Variants in CHD2 observed in about 807,000 individuals in gnomAD.
The protein encoded by CHD2 is ATP-dependent chromatin remodeler CHD2.
Under a neutral mutation model 243.9 loss-of-function variants are expected in CHD2, and 28 were observed. That is an observed-to-expected ratio of 0.11 (90% CI 0.09 to 0.16). The LOEUF is 0.16. Among genes scored for constraint, CHD2 ranks in the 10% least tolerant of loss-of-function variants. The pLI, the probability that CHD2 is intolerant of heterozygous loss-of-function variation, is 1.00. For synonymous variants in CHD2, 775 were observed against 779.0 expected (o/e 0.99, Z 0.09); for missense variants, 1,386 against 2,209.8 (o/e 0.63, Z 7.47).
At chr15:92,937,108 C>G (rs1054014967) in intron 5 of CHD2, among the ~76,000 whole-genome samples, 2 of 152,128 alleles carry the variant, frequency 1.3e-5, no homozygotes, top group African/African-American at 4.8e-5. Context: ...AGTGAAACTC[C>G]CACCTTGGCC....
At chr15:93,004,830 G>T (rs758854953) in intron 34 of CHD2, 79 bp downstream of exon 34, 63 of 1,464,462 alleles carry the variant, frequency 4.3e-5, no homozygotes, top group Non-Finnish European at 5.1e-5. Context: ...GGTCCAGCCA[G>T]AGCTTCAGTT....
At chr15:92,909,067 T>C (rs1143115) in intron 2 of CHD2, among the ~76,000 whole-genome samples, 67,116 of 138,526 alleles carry the variant, frequency 0.48, 15,199 homozygotes, top group Admixed American at 0.55. Flanking sequence ...TGCAGTTAGA[T>C]GAACTGACAC....
chr15:92,947,047 C>T (rs1038186801), intron 12 of CHD2: 1 of 152,114 alleles, frequency 6.6e-6, no homozygotes, highest in African/African-American at 2.4e-5. Context: ...TAAATCCTTT[C>T]CTTGGAATTT....
chr15:93,014,992 C>A, intron 37 of CHD2, 83 bp downstream of exon 37: 2 of 1,076,238 alleles, frequency 1.9e-6, no homozygotes, highest in South Asian at 1.3e-5. Context: ...AAGACACTGG[C>A]TAGACTTCTG....
chr15:92,980,376 T>C (rs1236743657), intron 22 of CHD2, among the ~76,000 whole-genome samples: 1 of 151,954 alleles, frequency 6.6e-6, no homozygotes, highest in African/African-American at 2.4e-5. Flanking sequence ...ATGTTAAAGG[T>C]GTATTCAAAT....
chr15:93,027,502 C>G lies in CHD2; in HGVS notation c.*2797C>G, dbSNP rs1232561621. On this transcript the variant is annotated 3_prime_UTR_variant, in exon 39 of 39. Coordinates refer to ENST00000394196, the MANE Select transcript of CHD2 (RefSeq NM_001271.4). ...ACTCTCCTTTCAGTCATTCCTCAGC[C>G]CTTCGAAGGGAAGCCCAAACACTTT... is the stretch of plus-strand genomic sequence containing the variant. 2.0e-5 allele frequency: 3 copies of G among 152,354 alleles called. No individual in the cohort carries two copies. 9.4% of individuals were successfully genotyped at this position (152,354 alleles called of 1,614,324 possible).
In CHD2 at chr15:92,943,476, G is replaced by A. The variant is rs187471030; in HGVS notation, c.1052+408G>A. The A allele has an allele frequency of 3.6e-5, 7 of 196,046 alleles. No homozygotes were observed. In the Admixed American group the frequency reaches 3.7e-4, roughly 10 times the overall value. 12.1% of individuals were successfully genotyped at this position (196,046 alleles called of 1,614,324 possible). A position where few individuals can be genotyped will look rare whatever the true frequency, so the allele number is the denominator to read the frequency against. ...TGTTATTTTCCTGTAGTTAGGCTGG[G>A]GTGGCTTAGATGTAGAGAGTTAATA... On this transcript the variant is annotated intron_variant, in intron 9 of 38. Transcript: ENST00000394196.
At chr15:92,948,878 A>G in intron 12 of CHD2, 74 bp from the exon 13 acceptor site, 1 of 1,483,508 alleles carries the variant, frequency 6.7e-7, no homozygotes, top group Non-Finnish European at 9.2e-7. Flanking sequence ...GATGCCGAAT[A>G]TGTGAATTGT....
chr15:92,901,633 C>G, intron 2 of CHD2: 1 of 421,620 alleles, frequency 2.4e-6, no homozygotes. Flanking sequence ...ATGACCTTGT[C>G]GGTTTAGCCA....
rs771574140 is a variant in CHD2, at chr15:92,998,414, C to T, written c.3886-85C>T. On this transcript the variant is annotated intron_variant, in intron 30 of 38. Transcript: ENST00000394196. The surrounding 1 kb of genome is among the most constrained non-coding windows in gnomAD (Gnocchi z 5.1). Reference sequence around the variant, plus strand: ...GTGGTTGGGGAGGGAAAGGACTGTGCTCAGTTTTTGTTGTCTCTGTTTATC... The same window carrying T: ...GTGGTTGGGGAGGGAAAGGACTGTGTTCAGTTTTTGTTGTCTCTGTTTATC... 1.9e-6 allele frequency: 3 copies of T among 1,563,546 alleles called. No homozygotes were observed. Among genetic ancestry groups the T allele is most frequent in the Non-Finnish European group, 2.6e-6 (3 of 1,147,700 alleles).
At chr15:92,916,319 T>C (rs950845241) in intron 2 of CHD2, among the ~76,000 whole-genome samples, 1 of 152,234 alleles carries the variant, frequency 6.6e-6, no homozygotes, top group African/African-American at 2.4e-5. Flanking sequence ...TGAGCTCTGT[T>C]TCAGATACTT....
In CHD2 at chr15:92,926,517, A is replaced by T. The variant is rs533335536; in HGVS notation, c.295-727A>T. 3.9e-4 allele frequency among the ~76,000 whole-genome samples: 60 copies of T among 152,354 alleles called. No individual in the cohort carries two copies. In the East Asian group the frequency reaches 9.2e-3, roughly 23 times the overall value. ...ATACAGAATATACTTAGTAGTAGTT[A>T]TCTCTGGGGAAGAAAGTGAAAATGA... On this transcript the variant is annotated intron_variant, in intron 3 of 38. Coordinates refer to ENST00000394196, the MANE Select transcript of CHD2 (RefSeq NM_001271.4).
chr15:93,011,558 T>G (rs1325747062), intron 35 of CHD2, among the ~76,000 whole-genome samples: 1 of 152,168 alleles, frequency 6.6e-6, no homozygotes, highest in Non-Finnish European at 1.5e-5. Context: ...TGCAGCAGGC[T>G]TACTAGTTAG....
Position 92,980,927 on chromosome 15 carries a change from G to A in CHD2, c.2973+16G>A, listed in dbSNP as rs1313515581. On this transcript the variant is annotated intron_variant, in intron 23 of 38. Transcript: ENST00000394196. ...AGAACCTCAGGTAATTAACAATGAG[G>A]AGAGGGAAATTTTTTTGAGAAGTAT... is the stretch of plus-strand genomic sequence containing the variant. The A allele has an allele frequency of 1.3e-6, 2 of 1,578,920 alleles. No individual in the cohort carries two copies. The highest frequency in any genetic ancestry group is 2.2e-5 in the East Asian group (1 of 44,634).
intron 37 of CHD2, 71 bp downstream of exon 37, chr15:93,014,980 C>A: frequency 1.6e-6 from 2 of 1,232,464 alleles, no homozygotes; most frequent in Non-Finnish European, 2.4e-6. Flanking sequence ...TTTCATTTTC[C>A]AAAGACACTG....
At chr15:92,975,264 T>C (rs1389074517) in intron 20 of CHD2, among the ~76,000 whole-genome samples, 1 of 152,166 alleles carries the variant, frequency 6.6e-6, no homozygotes, top group African/African-American at 2.4e-5. Flanking sequence ...AGAATTAATA[T>C]AAGAAGGTTC....
rs1191117970 is a variant in CHD2, at chr15:92,985,620, G to C, written c.3360G>C (p.Pro1120=). The C allele has an allele frequency of 6.2e-7, 1 of 1,613,856 alleles. No homozygotes were observed. Among genetic ancestry groups the C allele is most frequent in the South Asian group, 1.1e-5 (1 of 91,082 alleles). Residue 1120 remains proline, a synonymous_variant, in exon 26 of 39, where the codon CCG becomes CCC. Coordinates refer to ENST00000394196, the MANE Select transcript of CHD2 (RefSeq NM_001271.4). ...AGAAGCCAAAGCGCAGAGGGCGTCC[G>C]AGGAGTGTGCGGAAGGACCTCGTGG... ...DDKKPKRRGR[P]RSVRKDLVEG...
At chr15:92,963,437 C>T (rs1331802114) in intron 16 of CHD2, among the ~76,000 whole-genome samples, 1 of 152,128 alleles carries the variant, frequency 6.6e-6, no homozygotes, top group Non-Finnish European at 1.5e-5. Flanking sequence ...CCCGCTGTAG[C>T]TCCATTTTCA....
chr15:92,964,651 G>C (rs987374816), intron 16 of CHD2, among the ~76,000 whole-genome samples: 2 of 152,184 alleles, frequency 1.3e-5, no homozygotes, highest in Admixed American at 1.3e-4. Context: ...GGGTGGCTCT[G>C]ACAGGGAGTA....
Sources: gnomAD v4.1 joint callset for allele counts (sites outside exome capture counted in the v4.1 genomes callset) on GRCh38, gnomAD v4.1.1 for gene constraint, Gnocchi (gnomAD v3.1) non-coding constraint, MANE v1.5 for transcripts, NCBI Gene and HGNC (gene_info 2026-07-23, HGNC 2026-07-21) for gene names.